Variants in FCHSD2 observed in about 807,000 individuals in gnomAD.
The protein encoded by FCHSD2 is F-BAR and double SH3 domains protein 2.
A neutral mutation model predicts 108.1 loss-of-function variants in FCHSD2; 38 were observed. The observed-to-expected ratio is 0.35, with a 90% CI of 0.27 to 0.46. The LOEUF (loss-of-function observed/expected upper bound fraction) is 0.46, where lower values mean the gene tolerates loss of function less well. Among genes scored for constraint, FCHSD2 ranks in the 20% least tolerant of loss-of-function variants. The pLI, the probability that FCHSD2 is intolerant of heterozygous loss-of-function variation, is 1.00. For synonymous variants in FCHSD2, 279 were observed against 314.7 expected (o/e 0.89, Z 1.20); for missense variants, 751 against 897.8 (o/e 0.84, Z 2.09).
chr11:73,104,326 G>A (rs1416456753), intron 2 of FCHSD2, among the ~76,000 whole-genome samples: 1 of 151,986 alleles, frequency 6.6e-6, no homozygotes, highest in African/African-American at 2.4e-5. Flanking sequence ...GAGCGCAGTG[G>A]TGCGATCTCA....
chr11:73,109,289 A>G (rs1860425378), intron 2 of FCHSD2, among the ~76,000 whole-genome samples: 2 of 152,202 alleles, frequency 1.3e-5, no homozygotes, highest in Admixed American at 6.5e-5. Context: ...TAGGGATTGC[A>G]TTGAATCTGT....
chr11:73,114,331 T>C (rs1423635270), intron 2 of FCHSD2, among the ~76,000 whole-genome samples: 1 of 151,846 alleles, frequency 6.6e-6, no homozygotes, highest in African/African-American at 2.4e-5. Flanking sequence ...TTCAGCGCAG[T>C]AGGCTCCCAT....
intron 10 of FCHSD2, among the ~76,000 whole-genome samples, chr11:72,901,467 G>T (rs1855525120): frequency 6.6e-6 from 1 of 152,050 alleles, no homozygotes; most frequent in African/African-American, 2.4e-5. Context: ...GGAATCTACA[G>T]ACAGAAAGTA....
intron 2 of FCHSD2, among the ~76,000 whole-genome samples, chr11:73,111,054 G>T (rs111265747): frequency 0.014 from 2,155 of 151,672 alleles, 51 homozygotes; most frequent in African/African-American, 0.046. Flanking sequence ...TATTTCAGGG[G>T]TTTTTTTTAA....
chr11:72,931,505 G>C (rs887288831), intron 8 of FCHSD2, among the ~76,000 whole-genome samples: 5 of 151,336 alleles, frequency 3.3e-5, no homozygotes, highest in Non-Finnish European at 7.4e-5. Context: ...GGTGGCTCAC[G>C]CCTGTAATCC....
chr11:73,022,861 A>G (rs1360867738), intron 3 of FCHSD2, among the ~76,000 whole-genome samples: 1 of 152,202 alleles, frequency 6.6e-6, no homozygotes, highest in Non-Finnish European at 1.5e-5. Flanking sequence ...TCAGTGGAAC[A>G]AAAGAGAGAT....
intron 12 of FCHSD2, 71 bp from the exon 13 acceptor site, chr11:72,868,097 C>T: frequency 7.2e-7 from 1 of 1,388,412 alleles, no homozygotes; most frequent in Non-Finnish European, 9.8e-7. Context: ...AGGAATCAAC[C>T]CAAATGCCCA....
chr11:72,949,340 C>T (rs765201178), intron 8 of FCHSD2, among the ~76,000 whole-genome samples: 13 of 152,062 alleles, frequency 8.5e-5, no homozygotes, highest in Non-Finnish European at 1.3e-4. Context: ...ATCACAGCTA[C>T]TCAGGAGGCT....
rs17131809 is a variant in FCHSD2 at position 72,984,069 on chromosome 11, G to C, written c.705+19C>G. ...TTTTCAATGAAGTAAAATTACCATA[G>C]ATATGAAAGCTGTATTACCTTCATA... On this transcript the variant is annotated intron_variant, in intron 8 of 19. Transcript: ENST00000409418. 2,892 of 1,592,164 alleles carry C rather than the reference G, an allele frequency of 1.8e-3. 38 individuals are homozygous for C. The African/African-American group carries it at 0.032, about 18-fold the overall frequency.
At chr11:73,009,543 A>T (rs1349059010) in intron 4 of FCHSD2, among the ~76,000 whole-genome samples, 1 of 152,148 alleles carries the variant, frequency 6.6e-6, no homozygotes, top group Non-Finnish European at 1.5e-5. Flanking sequence ...TATACAGTTT[A>T]TGGGGAACAA....
chr11:72,985,183 T>C, intron 6 of FCHSD2, 67 bp from the exon 7 acceptor site: 1 of 371,544 alleles, frequency 2.7e-6, no homozygotes, highest in East Asian at 5.1e-5. Context: ...AATTACTAAA[T>C]ATATTATTAA....
intron 2 of FCHSD2, among the ~76,000 whole-genome samples, chr11:73,122,960 A>T (rs1178241871): frequency 6.6e-6 from 1 of 152,188 alleles, no homozygotes; most frequent in Admixed American, 6.5e-5. Flanking sequence ...CACATAGTTT[A>T]TCTTAATCAT....
chr11:72,964,982 G>A (rs1230759704), intron 8 of FCHSD2, among the ~76,000 whole-genome samples: 2 of 151,868 alleles, frequency 1.3e-5, no homozygotes, highest in Admixed American at 1.3e-4. Context: ...GTAGAGACGG[G>A]GTTTCACTGT....
At chr11:72,937,724 A>G (rs756971375) in intron 8 of FCHSD2, among the ~76,000 whole-genome samples, 19 of 152,234 alleles carry the variant, frequency 1.2e-4, no homozygotes, top group Non-Finnish European at 2.6e-4. Context: ...TTTTGAATAC[A>G]TAACCATGAG....
intron 10 of FCHSD2, chr11:72,900,227 C>T: frequency 9.9e-7 from 1 of 1,012,154 alleles, no homozygotes; most frequent in Non-Finnish European, 1.5e-6. Flanking sequence ...ACTTCCCATC[C>T]CTCCCGCCCT....
intron 3 of FCHSD2, among the ~76,000 whole-genome samples, chr11:73,017,601 CT>C (rs1230387026): frequency 6.6e-6 from 1 of 152,142 alleles, no homozygotes; most frequent in East Asian, 1.9e-4. Flanking sequence ...ATTCTGAGAA[CT>C]TGTATAGAAC....
chr11:72,878,283 C>T (rs917812587), intron 12 of FCHSD2, among the ~76,000 whole-genome samples: 3 of 152,032 alleles, frequency 2.0e-5, no homozygotes, highest in Non-Finnish European at 4.4e-5. Context: ...TATTGAGACC[C>T]TGTCTCTAAA....
intron 8 of FCHSD2, among the ~76,000 whole-genome samples, chr11:72,947,954 A>G (rs1326774244): frequency 6.6e-6 from 1 of 152,206 alleles, no homozygotes; most frequent in African/African-American, 2.4e-5. Flanking sequence ...GTATAATCTT[A>G]TACAACATAA....
chr11:73,049,581 G>A (rs533160856), intron 3 of FCHSD2, among the ~76,000 whole-genome samples: 1 of 150,770 alleles, frequency 6.6e-6, no homozygotes, highest in East Asian at 2.0e-4. Flanking sequence ...TATACCTAAT[G>A]CTAGATGACA....
Sources: gnomAD v4.1 joint callset for allele counts (sites outside exome capture counted in the v4.1 genomes callset) on GRCh38, gnomAD v4.1.1 for gene constraint, MANE v1.5 for transcripts, NCBI Gene and HGNC (gene_info 2026-07-23, HGNC 2026-07-21) for gene names.